The following CD99L2 variants were observed in gnomAD, a reference collection of about 807,000 sequenced individuals.
CD99L2 encodes CD99 molecule like 2, also known as CD99 antigen-like protein 2.
Under a neutral mutation model 27.3 loss-of-function variants are expected in CD99L2, and 24 were observed. That is an observed-to-expected ratio of 0.88 (90% CI 0.64 to 1.24). The LOEUF is 1.24. CD99L2 is among the 50% of genes most tolerant of loss of function. The pLI is 0.00. For missense variants in CD99L2, 255 were observed against 221.6 expected (o/e 1.15, Z -0.96); for synonymous variants, 97 against 87.9 (o/e 1.10, Z -0.58).
At chrX:150,825,899 C>T (rs1426237982) in intron 2 of CD99L2, among the ~76,000 whole-genome samples, 2 of 111,783 alleles carry the variant, frequency 1.8e-5, no homozygotes, top group Non-Finnish European at 3.8e-5. Flanking sequence ...AGGGTGGGTT[C>T]CCCCAGGTGT....
chrX:150,794,815 T>C (rs1185115688), intron 6 of CD99L2, among the ~76,000 whole-genome samples: 2 of 112,353 alleles, frequency 1.8e-5, no homozygotes, highest in Non-Finnish European at 3.8e-5. Flanking sequence ...GCTGCTTCCA[T>C]CCAGCCAGAC....
At chrX:150,878,968 A>G (rs782779301) in intron 1 of CD99L2, among the ~76,000 whole-genome samples, 9 of 111,985 alleles carry the variant, frequency 8.0e-5, no homozygotes, top group Non-Finnish European at 1.7e-4. Context: ...CCTGCTCTCT[A>G]TCAAGCTAAT....
intron 1 of CD99L2, among the ~76,000 whole-genome samples, chrX:150,843,125 C>A (rs2046646837): frequency 8.9e-6 from 1 of 112,094 alleles, no homozygotes; most frequent in Admixed American, 9.5e-5. Flanking sequence ...CAGCTGGGAC[C>A]CCTGGCTGCC....
chrX:150,781,654 A>G (rs2045513018), intron 7 of CD99L2, among the ~76,000 whole-genome samples: 1 of 112,202 alleles, frequency 8.9e-6, no homozygotes, highest in Non-Finnish European at 1.9e-5. Flanking sequence ...ATACCTATGC[A>G]TATAAGTAGC....
intron 1 of CD99L2, among the ~76,000 whole-genome samples, chrX:150,839,030 A>T (rs2046582043): frequency 9.0e-6 from 1 of 110,728 alleles, no homozygotes; most frequent in African/African-American, 3.3e-5. Flanking sequence ...ATGGCAAAAA[A>T]ATGTAGAGAA....
intron 2 of CD99L2, among the ~76,000 whole-genome samples, chrX:150,822,977 T>C (rs782213123): frequency 1.7e-4 from 19 of 111,913 alleles, no homozygotes; most frequent in Non-Finnish European, 3.0e-4. Context: ...GTTCTTGTGA[T>C]AGTGAGTTCT....
intron 9 of CD99L2, among the ~76,000 whole-genome samples, chrX:150,772,407 G>GGGAC (rs1557419134): frequency 8.9e-6 from 1 of 112,775 alleles, no homozygotes; most frequent in African/African-American, 3.2e-5. Flanking sequence ...GAGGAGCTAG[G>GGGAC]TCAGGACGGG....
chrX:150,871,253 C>A (rs1290465028), intron 1 of CD99L2, among the ~76,000 whole-genome samples: 1 of 111,768 alleles, frequency 8.9e-6, no homozygotes, highest in Admixed American at 9.5e-5. Flanking sequence ...TAACCCCACA[C>A]CAGAGATTAC....
At chrX:150,797,414 T>A (rs966085343) in intron 4 of CD99L2, among the ~76,000 whole-genome samples, 5 of 112,094 alleles carry the variant, frequency 4.5e-5, no homozygotes, top group African/African-American at 1.3e-4. Flanking sequence ...GACCAATTTC[T>A]CAAAAACCAC....
chrX:150,819,000 T>C, intron 2 of CD99L2: 1 of 320,042 alleles, frequency 3.1e-6, no homozygotes. Context: ...AGGAGAAACT[T>C]GATGATGAGA....
chrX:150,840,290 G>A (rs2046605173), intron 1 of CD99L2, among the ~76,000 whole-genome samples: 2 of 112,041 alleles, frequency 1.8e-5, no homozygotes, highest in African/African-American at 6.5e-5. Flanking sequence ...TCTAATGTTT[G>A]CAACTAATTC....
At chrX:150,877,388 C>T (rs1332822910) in intron 1 of CD99L2, among the ~76,000 whole-genome samples, 14 of 111,500 alleles carry the variant, frequency 1.3e-4, no homozygotes, top group Non-Finnish European at 2.4e-4. Flanking sequence ...CTATTAGCAC[C>T]ACTATTATTT....
At chrX:150,795,176 T>G in intron 6 of CD99L2, 30 bp downstream of exon 6, 121 of 1,200,171 alleles carry the variant, frequency 1.0e-4, no homozygotes, top group Non-Finnish European at 1.2e-4. Context: ...ATGTAATTAA[T>G]GAGACAGAAC....
chrX:150,816,989 T>C lies in CD99L2; in HGVS notation c.131-911A>G, dbSNP rs782766045. 5.5e-4 allele frequency among the ~76,000 whole-genome samples: 50 copies of C among 90,107 alleles called. No individual in the cohort carries two copies. The East Asian group carries it at 0.011, about 20-fold the overall frequency. 78.2% of individuals were successfully genotyped at this position (90,107 alleles called of 115,157 possible). On this transcript the variant is annotated intron_variant, in intron 2 of 10. Coordinates refer to ENST00000370377, the MANE Select transcript of CD99L2 (RefSeq NM_031462.4). The stretch of plus-strand genomic sequence containing the variant: ...GCATATTCTCACTCATAGGTGGGAA[T>C]TGAACAATGAGAACACATGGACACA...
intron 7 of CD99L2, among the ~76,000 whole-genome samples, chrX:150,792,167 G>C (rs1413525124): frequency 8.9e-6 from 1 of 111,779 alleles, no homozygotes; most frequent in Non-Finnish European, 1.9e-5. Context: ...ATGGCAGAGG[G>C]TATAACTTAA....
chrX:150,772,301 A>G (rs2043472035), intron 9 of CD99L2, among the ~76,000 whole-genome samples: 1 of 112,230 alleles, frequency 8.9e-6, no homozygotes, highest in African/African-American at 3.2e-5. Flanking sequence ...TCAGAAACCA[A>G]CCGGCCCAAT....
At chrX:150,870,166 C>T (rs370892082) in intron 1 of CD99L2, among the ~76,000 whole-genome samples, 1 of 100,740 alleles carries the variant, frequency 9.9e-6, no homozygotes, top group South Asian at 4.9e-4. Context: ...CCCACCCCAA[C>T]CCCACCCTCT....
chrX:150,850,488 T>C lies in CD99L2; in HGVS notation c.68-19195A>G, dbSNP rs183261722. 7.1e-5 allele frequency among the ~76,000 whole-genome samples: 8 copies of C among 111,973 alleles called. No individual in the cohort carries two copies. The East Asian group carries it at 2.2e-3, about 31-fold the overall frequency. The stretch of plus-strand genomic sequence containing the variant: ...ATGTAGGCACCAGCGGACGTGCACA[T>C]AGAAACAAATATTACACCAGAGGGC... On this transcript the variant is annotated intron_variant, in intron 1 of 10. Transcript: ENST00000370377.
chrX:150,818,039 C>T (rs950235649), intron 2 of CD99L2, among the ~76,000 whole-genome samples: 2 of 81,771 alleles, frequency 2.4e-5, no homozygotes, highest in African/African-American at 5.0e-5. Flanking sequence ...AAGGATCAAT[C>T]CAAGAGGAAG....
Sources: gnomAD v4.1 joint callset for allele counts (sites outside exome capture counted in the v4.1 genomes callset) on GRCh38, gnomAD v4.1.1 for gene constraint, MANE v1.5 for transcripts, NCBI Gene and HGNC (gene_info 2026-07-23, HGNC 2026-07-21) for gene names.